The following SPATA17 variants were observed in gnomAD, a reference collection of about 807,000 sequenced individuals.
The protein encoded by SPATA17 is spermatogenesis-associated protein 17.
SPATA17 carries 53 observed loss-of-function variants against 62.2 expected under a neutral mutation model. That is an observed-to-expected ratio of 0.85 (90% confidence interval 0.68 to 1.07). The LOEUF is 1.07. SPATA17 is among the 50% of genes least tolerant of loss of function. SPATA17 has a pLI of 0.00. For missense variants in SPATA17, 466 were observed against 425.5 expected (o/e 1.10, Z -0.84); for synonymous variants, 146 against 146.8 (o/e 0.99, Z 0.04).
chr1:217,728,469 T>A (rs1415923500), intron 5 of SPATA17, among the ~76,000 whole-genome samples: 1 of 152,184 alleles, frequency 6.6e-6, no homozygotes, highest in Middle Eastern at 3.2e-3. Context: ...AGCTATTTCA[T>A]CGTTGATTGT....
At chr1:217,657,344 C>G (rs1200093073) in intron 3 of SPATA17, among the ~76,000 whole-genome samples, 1 of 152,192 alleles carries the variant, frequency 6.6e-6, no homozygotes, top group Non-Finnish European at 1.5e-5. Flanking sequence ...TATGCCCACA[C>G]CACTTCTTTT....
chr1:217,767,146 G>A (rs1673320299), intron 6 of SPATA17, among the ~76,000 whole-genome samples: 1 of 151,978 alleles, frequency 6.6e-6, no homozygotes, highest in Non-Finnish European at 1.5e-5. Flanking sequence ...GTAGAGTGTA[G>A]GCTTGTGGCA....
chr1:217,680,715 A>T (rs1671059698), intron 4 of SPATA17, among the ~76,000 whole-genome samples: 1 of 151,102 alleles, frequency 6.6e-6, no homozygotes, highest in Admixed American at 6.6e-5. Context: ...ATTTAAGGTT[A>T]GGAGTTCAAG....
intron 3 of SPATA17, among the ~76,000 whole-genome samples, chr1:217,656,578 G>GTATGTATT (rs1553362117): frequency 0.01 from 1,546 of 150,954 alleles, 25 homozygotes; most frequent in African/African-American, 0.035. Context: ...ATGTATGTAT[G>GTATGTATT]TATTTATTTA....
intron 9 of SPATA17, among the ~76,000 whole-genome samples, chr1:217,812,457 T>C (rs939806962): frequency 2.6e-5 from 4 of 152,152 alleles, no homozygotes; most frequent in African/African-American, 9.7e-5. Context: ...TTTTTGAAAG[T>C]GTGAAAATCA....
chr1:217,675,142 G>A (rs146247073), intron 4 of SPATA17, among the ~76,000 whole-genome samples: 5 of 152,220 alleles, frequency 3.3e-5, no homozygotes, highest in African/African-American at 1.2e-4. Flanking sequence ...GCAATTATAT[G>A]GATATGTTGA....
chr1:217,640,614 T>C (rs140263147), intron 1 of SPATA17, among the ~76,000 whole-genome samples: 54 of 152,252 alleles, frequency 3.5e-4, no homozygotes, highest in African/African-American at 1.3e-3. Flanking sequence ...TTCATTAAAG[T>C]ATTATTCCTA....
At chr1:217,684,186 C>T (rs183258519) in intron 5 of SPATA17, among the ~76,000 whole-genome samples, 244 of 152,210 alleles carry the variant, frequency 1.6e-3, no homozygotes, top group African/African-American at 5.2e-3. Flanking sequence ...GTAAAGGCAT[C>T]GTAATATTAC....
At chr1:217,659,277 A>G (rs1036519466) in intron 3 of SPATA17, among the ~76,000 whole-genome samples, 3 of 152,036 alleles carry the variant, frequency 2.0e-5, no homozygotes, top group African/African-American at 4.8e-5. Flanking sequence ...CTGAAGGTCA[A>G]GGAAATGACA....
intron 8 of SPATA17, among the ~76,000 whole-genome samples, chr1:217,792,131 G>A (rs1445110690): frequency 1.3e-5 from 2 of 152,054 alleles, no homozygotes; most frequent in Admixed American, 1.3e-4. Flanking sequence ...TTTGTGTTAG[G>A]CTGCATGTGG....
chr1:217,751,433 A>G (rs1290593758), intron 6 of SPATA17, among the ~76,000 whole-genome samples: 2 of 152,178 alleles, frequency 1.3e-5, no homozygotes, highest in Non-Finnish European at 2.9e-5. Context: ...AAGTCTGGAC[A>G]TTTGTTCTTA....
In SPATA17 at chr1:217,711,928, G is replaced by C. The variant is rs536703057; in HGVS notation, c.395+28567G>C. Among the ~76,000 whole-genome samples, 13 of 152,232 alleles carry C rather than the reference G, an allele frequency of 8.5e-5. 1 individual carries two copies. Among genetic ancestry groups the C allele is most frequent in the Admixed American group, 7.8e-4 (12 of 15,290 alleles). ...AGTACCCTACCATTCTCAGTTACTG[G>C]CTGGAAGGGACTTGAGGTAGATATG... On this transcript the variant is annotated intron_variant, in intron 5 of 10. Coordinates refer to ENST00000366933, the MANE Select transcript of SPATA17 (RefSeq NM_138796.4).
At chr1:217,727,195 G>A (rs540336716) in intron 5 of SPATA17, among the ~76,000 whole-genome samples, 2 of 151,140 alleles carry the variant, frequency 1.3e-5, no homozygotes, top group Non-Finnish European at 2.9e-5. Flanking sequence ...TGCCGTCAGC[G>A]GAGATCGCGC....
intron 9 of SPATA17, among the ~76,000 whole-genome samples, chr1:217,837,710 C>T (rs2103005085): frequency 6.6e-6 from 1 of 152,110 alleles, no homozygotes; most frequent in Admixed American, 6.6e-5. Flanking sequence ...CTGTTTATTT[C>T]TTAAGTCTTA....
At chr1:217,850,686 C>T in intron 9 of SPATA17, 2 of 1,402,696 alleles carry the variant, frequency 1.4e-6, no homozygotes, top group Non-Finnish European at 2.0e-6. Context: ...CATGTCCAGC[C>T]ACAGGAACAC....
intron 7 of SPATA17, among the ~76,000 whole-genome samples, chr1:217,777,035 T>A (rs1366328711): frequency 1.3e-5 from 2 of 149,840 alleles, no homozygotes; most frequent in Non-Finnish European, 3.0e-5. Flanking sequence ...ACGGTGTGGA[T>A]ACCAGGAGGC....
chr1:217,711,349 T>C (rs1207929380), intron 5 of SPATA17, among the ~76,000 whole-genome samples: 1 of 152,214 alleles, frequency 6.6e-6, no homozygotes, highest in South Asian at 2.1e-4. Flanking sequence ...TGTCCCTGTG[T>C]TCACGTACAA....
Position 217,862,799 on chromosome 1 carries a change from T to A in SPATA17, c.1031T>A (p.Phe344Tyr). ...DKDFQTVLPSFELFSKYGKLY... is the reference protein window; with the variant it reads ...DKDFQTVLPSYELFSKYGKLY... ...GATTTCCAGACTGTATTACCATCATTTGAGCTCTTCTCAAAGTATGGAAAA... is the reference window on the plus strand; with the variant it reads ...GATTTCCAGACTGTATTACCATCATATGAGCTCTTCTCAAAGTATGGAAAA... The change falls in exon 10 of 11, where the codon TTT (phenylalanine) becomes TAT (tyrosine). Residue 344 changes from phenylalanine (F) to tyrosine (Y), a missense_variant. Transcript: ENST00000366933. The A allele has an allele frequency of 6.2e-7, 1 of 1,610,868 alleles. No individual in the cohort carries two copies. Among genetic ancestry groups the A allele is most frequent in the Non-Finnish European group, 8.5e-7 (1 of 1,178,258 alleles).
rs533075345 is a variant in SPATA17, at chr1:217,813,758, A to AAAG, written c.1005+11909_1005+11911dup. Among the ~76,000 whole-genome samples, 3 of 152,034 alleles carry AAAG rather than the reference A, an allele frequency of 2.0e-5. No individual in the cohort carries two copies. In the South Asian group the frequency reaches 6.2e-4, roughly 31 times the overall value. On this transcript the variant is annotated intron_variant, in intron 9 of 10. Transcript: ENST00000366933. ...TTTCTAAGGACAGTAGGCTTCAGGAAAAGTATAAATTTACATGAATTTTTA... is the reference window on the plus strand; with the variant it reads ...TTTCTAAGGACAGTAGGCTTCAGGAAAAGAAGTATAAATTTACATGAATTTTTA...
Sources: allele counts gnomAD v4.1 joint callset (sites outside exome capture counted in the v4.1 genomes callset), GRCh38; gene constraint gnomAD v4.1.1; transcripts MANE v1.5; gene names NCBI Gene and HGNC (gene_info 2026-07-23, HGNC 2026-07-21).